The following LTBP2 variants were observed in gnomAD, a reference collection of about 807,000 sequenced individuals.
LTBP2 encodes the protein latent transforming growth factor beta binding protein 2.
A neutral mutation model predicts 210.6 loss-of-function variants in LTBP2; 103 were observed. The observed-to-expected ratio is 0.49, with a 90% confidence interval of 0.42 to 0.58. LTBP2 has a LOEUF of 0.58. LTBP2 is among the 20% of genes least tolerant of loss of function. The probability of loss-of-function intolerance (pLI) is 0.00; values close to 1 mark genes in which losing one functional copy is unlikely to be tolerated. For synonymous variants in LTBP2, 1,007 were observed against 1,015.0 expected (o/e 0.99, Z 0.15); for missense variants, 2,313 against 2,494.5 (o/e 0.93, Z 1.55).
In LTBP2 at chr14:74,504,373, C is replaced by T. The variant is rs112337153; in HGVS notation, c.4454-319G>A. Among the ~76,000 whole-genome samples the T allele has an allele frequency of 5.8e-3, 880 of 152,350 alleles. 11 individuals are homozygous for T. Among genetic ancestry groups the T allele is most frequent in the African/African-American group, 0.02 (841 of 41,582 alleles). On this transcript the variant is annotated intron_variant, in intron 30 of 35. Transcript: ENST00000261978. The stretch of plus-strand genomic sequence containing the variant: ...GACTAGGGTGCTGAGGGGCGCAGTA[C>T]CTGGACCATCCTACTGTGAGTGTGT...
chr14:74,543,393 A>C (rs987169656), intron 8 of LTBP2, among the ~76,000 whole-genome samples: 2 of 151,566 alleles, frequency 1.3e-5, no homozygotes, highest in African/African-American at 2.4e-5. Context: ...AAAAAAAAAA[A>C]AAAACAGTGA....
chr14:74,562,185 G>T (rs535077105), intron 3 of LTBP2, among the ~76,000 whole-genome samples: 44 of 151,864 alleles, frequency 2.9e-4, no homozygotes, highest in Admixed American at 6.6e-4. Context: ...ACTCCAGCCT[G>T]GGTGACAAGA....
At chr14:74,607,486 G>A (rs192909839) in intron 1 of LTBP2, among the ~76,000 whole-genome samples, 2 of 152,230 alleles carry the variant, frequency 1.3e-5, no homozygotes, top group Non-Finnish European at 2.9e-5. Flanking sequence ...AAAAAATTCA[G>A]TAGAATTTTT....
intron 15 of LTBP2, among the ~76,000 whole-genome samples, chr14:74,523,380 G>A (rs1001098740): frequency 6.6e-6 from 1 of 152,114 alleles, no homozygotes; most frequent in African/African-American, 2.4e-5. Flanking sequence ...GCTGAGCAGA[G>A]CCTTGAAAGC....
intron 2 of LTBP2, among the ~76,000 whole-genome samples, chr14:74,589,158 C>T (rs1048179380): frequency 6.6e-6 from 1 of 152,234 alleles, no homozygotes; most frequent in African/African-American, 2.4e-5. Context: ...TGTACGTCAT[C>T]TCATGGGCTT....
At chr14:74,570,263 C>T (rs938719467) in intron 3 of LTBP2, among the ~76,000 whole-genome samples, 6 of 152,206 alleles carry the variant, frequency 3.9e-5, no homozygotes, top group Non-Finnish European at 4.4e-5. Context: ...TCATGGCCTT[C>T]AGGACCCTTC....
At chr14:74,533,074 G>T (rs190965490) in intron 9 of LTBP2, among the ~76,000 whole-genome samples, 195 of 152,284 alleles carry the variant, frequency 1.3e-3, no homozygotes, top group African/African-American at 4.4e-3. Context: ...TCAAACTCTG[G>T]GCCTCAAGCA....
At chr14:74,596,226 AAAAT>A (rs529095086) in intron 2 of LTBP2, among the ~76,000 whole-genome samples, 4,580 of 122,068 alleles carry the variant, frequency 0.038, 238 homozygotes, top group African/African-American at 0.15. Flanking sequence ...TGCTGTTTCA[AAAAT>A]AAATAAATAA....
chr14:74,501,339 G>T, intron 35 of LTBP2, 102 bp downstream of exon 35: 1 of 1,535,898 alleles, frequency 6.5e-7, no homozygotes, highest in Non-Finnish European at 9.0e-7. Context: ...GATGCAGACA[G>T]CCCCACTAGG....
chr14:74,528,754 A>G lies in LTBP2; in HGVS notation c.2153-56T>C. The G allele has an allele frequency of 2.5e-6, 4 of 1,591,010 alleles. No individual in the cohort carries two copies. In the Admixed American group the frequency reaches 6.7e-5, roughly 27 times the overall value. ...AGAGGTGCTGTTCCTGCAGGAAACC[A>G]GGGCCTTCCTTTCCCTCCCTTTGGG... On this transcript the variant is annotated intron_variant, in intron 11 of 35. Transcript: ENST00000261978.
At chr14:74,504,936 C>T (rs1380440648) in intron 29 of LTBP2, 47 bp downstream of exon 29, 2 of 1,613,458 alleles carry the variant, frequency 1.2e-6, no homozygotes, top group Admixed American at 1.7e-5. Context: ...TTCAGTGTCA[C>T]CTTGCAGAGC....
intron 3 of LTBP2, among the ~76,000 whole-genome samples, chr14:74,570,141 G>A (rs2087956521): frequency 6.6e-6 from 1 of 152,040 alleles, no homozygotes; most frequent in Non-Finnish European, 1.5e-5. Flanking sequence ...CTAGGCTGAG[G>A]GGATTGAGCT....
rs2087030001 is a variant in LTBP2 at position 74,508,923 on chromosome 14, T to C, written c.3433A>G (p.Ser1145Gly). 6.2e-7 allele frequency: 1 copy of C among 1,613,640 alleles called. No homozygotes were observed. The highest frequency in any genetic ancestry group is 1.3e-5 in the African/African-American group (1 of 74,902). The change falls in exon 23 of 36, where the codon AGC becomes GGC. Residue 1145 changes from serine (S) to glycine (G), a missense_variant. Ser to Gly is a moderately conservative substitution (Grantham distance 56, BLOSUM62 0). Around this residue, in one of 3 missense-constraint regions of LTBP2, gnomAD observed 1,867 missense variants for 1,976.9 expected, o/e 0.94. Transcript: ENST00000261978. ...TTCTTGCACTCGCCTCCCAGGCAGC[T>C]GCTCTGGGGGTCTTCACATTCATCC... ...DVDECEDPQS[S>G]CLGGECKNTV...
chr14:74,591,505 G>A (rs1404057133), intron 2 of LTBP2, among the ~76,000 whole-genome samples: 1 of 152,238 alleles, frequency 6.6e-6, no homozygotes, highest in Admixed American at 6.5e-5. Context: ...CCAATCTGCT[G>A]AGGCAGAGCC....
chr14:74,553,923 CGTGTGTGTGTGTGTGTGTGT>C (rs34143485), intron 4 of LTBP2, among the ~76,000 whole-genome samples: 2 of 130,574 alleles, frequency 1.5e-5, no homozygotes, highest in Non-Finnish European at 3.2e-5. Flanking sequence ...AGCGGAGAAA[CGTGTGTGTGTGTGTGTGTGT>C]GTGTGTGTGT....
At chr14:74,522,987 G>A (rs2087227871) in intron 15 of LTBP2, 69 bp from the exon 16 acceptor site, 3 of 1,568,142 alleles carry the variant, frequency 1.9e-6, no homozygotes, top group Non-Finnish European at 2.6e-6. Context: ...GGAGCGGGGT[G>A]GGGACAGTCA....
rs1231978473 is a variant in LTBP2 at position 74,611,702 on chromosome 14, G to A, written c.243C>T (p.Gly81=). The change falls in exon 1 of 36, where the codon GGC becomes GGT. Residue 81 remains glycine, a synonymous_variant. Coordinates refer to ENST00000261978, the MANE Select transcript of LTBP2 (RefSeq NM_000428.3). ...LFREQDAPVA[G]LQPVERAQPG... ...GCTGGGCCCGCTCCACGGGCTGCAA[G>A]CCCGCGACAGGCGCGTCCTGCTCCC... 6.3e-7 allele frequency: 1 copy of A among 1,587,694 alleles called. No individual in the cohort carries two copies. Among genetic ancestry groups the A allele is most frequent in the Non-Finnish European group, 8.5e-7 (1 of 1,173,094 alleles).
chr14:74,576,570 A>G (rs543877615), intron 3 of LTBP2, among the ~76,000 whole-genome samples: 3 of 152,206 alleles, frequency 2.0e-5, no homozygotes, highest in African/African-American at 7.2e-5. Flanking sequence ...AATGGGAGAC[A>G]TCTCCTTCTA....
At chr14:74,561,264 G>T (rs1416442586) in intron 3 of LTBP2, among the ~76,000 whole-genome samples, 1 of 152,068 alleles carries the variant, frequency 6.6e-6, no homozygotes, top group East Asian at 1.9e-4. Context: ...GTTGCAGTGA[G>T]CCGAGATCAC....
Sources: allele counts gnomAD v4.1 joint callset (sites outside exome capture counted in the v4.1 genomes callset), GRCh38; gene constraint gnomAD v4.1.1; regional missense constraint gnomAD v4.1.1; transcripts MANE v1.5; gene names NCBI Gene and HGNC (gene_info 2026-07-23, HGNC 2026-07-21).